The following TARS3 variants were observed in gnomAD, a reference collection of about 807,000 sequenced individuals.
The protein encoded by TARS3 is threonyl-tRNA synthetase 3, also known as threonine--tRNA ligase 2, cytoplasmic.
TARS3 carries 94 observed loss-of-function variants against 103.5 expected under a neutral mutation model. The observed-to-expected ratio is 0.91, with a 90% CI of 0.77 to 1.08. The LOEUF is 1.08. Among genes scored for constraint, TARS3 ranks in the 50% least tolerant of loss-of-function variants. TARS3 has a pLI of 0.00. For synonymous variants in TARS3, 416 were observed against 355.4 expected (o/e 1.17, Z -1.92); for missense variants, 952 against 995.2 (o/e 0.96, Z 0.58).
intron 8 of TARS3, among the ~76,000 whole-genome samples, chr15:101,703,384 G>A (rs994404417): frequency 5.3e-5 from 8 of 152,144 alleles, no homozygotes; most frequent in African/African-American, 1.7e-4. Flanking sequence ...GAGGTTAGGA[G>A]TTCGAGACCA....
Position 101,665,758 on chromosome 15 carries a change from C to T in TARS3, c.1968-3942G>A, listed in dbSNP as rs573442702. 2.6e-4 allele frequency among the ~76,000 whole-genome samples: 39 copies of T among 152,278 alleles called. No individual in the cohort carries two copies. The South Asian group carries it at 7.3e-3, about 28-fold the overall frequency. ...TTCTATAAAACTAGCCAATCTTTCA[C>T]CCAGATTGAAGTTTTAAAATTTGCT... On this transcript the variant is annotated intron_variant, in intron 15 of 18. Coordinates refer to ENST00000335968, the MANE Select transcript of TARS3 (RefSeq NM_152334.3).
At chr15:101,691,096 G>A (rs1313060640) in intron 10 of TARS3, among the ~76,000 whole-genome samples, 1 of 151,362 alleles carries the variant, frequency 6.6e-6, no homozygotes, top group African/African-American at 2.4e-5. Context: ...CCACCACCAC[G>A]CCTGGCTAAT....
chr15:101,711,924 C>A lies in TARS3; in HGVS notation c.768G>T (p.Pro256=), dbSNP rs370376502. 25 of 1,613,774 alleles carry A rather than the reference C, an allele frequency of 1.5e-5. No homozygotes were observed. Among genetic ancestry groups the A allele is most frequent in the South Asian group, 2.2e-5 (2 of 91,072 alleles). Reference sequence around the variant, plus strand: ...CATAATAAAATCCATTTTCAATGGGCGGACCGTAGCACAGGTGGCCTCCAT... The same window carrying A: ...CATAATAAAATCCATTTTCAATGGGAGGACCGTAGCACAGGTGGCCTCCAT... The part of the protein sequence containing the change: ...LYYGGHLCYG[P]PIENGFYYDM... Residue 256 remains proline, a synonymous_variant, in exon 5 of 19, where the codon CCG becomes CCT. Transcript: ENST00000335968.
intron 9 of TARS3, among the ~76,000 whole-genome samples, 160 bp from the exon 10 acceptor site, chr15:101,701,344 T>C (rs908287492): frequency 3.3e-5 from 5 of 152,254 alleles, no homozygotes; most frequent in African/African-American, 1.2e-4. Context: ...ATATGTAAAA[T>C]TTCCAATCAT....
intron 3 of TARS3, among the ~76,000 whole-genome samples, chr15:101,720,740 G>C (rs1355101200): frequency 6.6e-6 from 1 of 152,202 alleles, no homozygotes; most frequent in Middle Eastern, 3.2e-3. Context: ...CACGTTTTGT[G>C]GAAGGGACCC....
intron 18 of TARS3, among the ~76,000 whole-genome samples, chr15:101,655,448 A>G (rs1897164583): frequency 7.2e-6 from 1 of 138,480 alleles, no homozygotes; most frequent in Non-Finnish European, 1.6e-5. Flanking sequence ...ACAGGCTCAC[A>G]GTGACTCCAC....
intron 2 of TARS3, 62 bp from the exon 3 acceptor site, chr15:101,721,384 G>C (rs1040751715): frequency 3.0e-6 from 4 of 1,354,066 alleles, no homozygotes; most frequent in Non-Finnish European, 4.1e-6. Flanking sequence ...CAGCTGCTCA[G>C]CTCTGAATCA....
chr15:101,687,620 C>T (rs965899741), intron 10 of TARS3, among the ~76,000 whole-genome samples: 1 of 152,124 alleles, frequency 6.6e-6, no homozygotes, highest in South Asian at 2.1e-4. Flanking sequence ...TTTTAATTCA[C>T]TCTGAATGCA....
chr15:101,709,475 C>T (rs1008339298), intron 5 of TARS3, among the ~76,000 whole-genome samples: 1 of 152,226 alleles, frequency 6.6e-6, no homozygotes, highest in Non-Finnish European at 1.5e-5. Flanking sequence ...GACAGTCCCA[C>T]AGAGGCCTGG....
chr15:101,687,266 G>T (rs1168017310), intron 10 of TARS3, among the ~76,000 whole-genome samples: 2 of 152,056 alleles, frequency 1.3e-5, no homozygotes, highest in African/African-American at 4.8e-5. Flanking sequence ...AGCCAGGCGT[G>T]GTGGCACACA....
intron 1 of TARS3, 102 bp from the exon 2 acceptor site, chr15:101,723,266 G>A: frequency 1.9e-6 from 2 of 1,027,032 alleles, no homozygotes; most frequent in Non-Finnish European, 3.0e-6. Flanking sequence ...CGTGTTTAGA[G>A]GCTCATAGCT....
intron 1 of TARS3, 41 bp from the exon 2 acceptor site, chr15:101,723,205 A>G (rs1233725684): frequency 6.4e-7 from 1 of 1,563,088 alleles, no homozygotes; most frequent in Non-Finnish European, 8.8e-7. Context: ...AATGGCAAGA[A>G]AAAGCAACAC....
intron 1 of TARS3, among the ~76,000 whole-genome samples, chr15:101,723,371 T>C (rs758975424): frequency 1.3e-5 from 2 of 152,150 alleles, no homozygotes; most frequent in African/African-American, 2.4e-5. Flanking sequence ...ACATTTAATA[T>C]ATTGTGCTCT....
At chr15:101,699,590 C>T (rs912138551) in intron 10 of TARS3, among the ~76,000 whole-genome samples, 1 of 152,180 alleles carries the variant, frequency 6.6e-6, no homozygotes, top group African/African-American at 2.4e-5. Context: ...TGATGGTCAT[C>T]ACCACCTGCC....
rs901468063 is a variant in TARS3, at chr15:101,705,618, C to T, written c.995+65G>A. ...TCGATCTCCAACCAGAAAACAAACT[C>T]GGCCTCTACTGCTAACACCTTCAAG... On this transcript the variant is annotated intron_variant, in intron 7 of 18. Transcript: ENST00000335968. 8 of 1,371,602 alleles carry T rather than the reference C, an allele frequency of 5.8e-6. No homozygotes were observed. The African/African-American group carries it at 7.2e-5, about 12-fold the overall frequency. The allele number at this position is 1,371,602 out of a possible 1,614,324, so 85.0% of individuals were successfully genotyped here.
intron 10 of TARS3, among the ~76,000 whole-genome samples, chr15:101,690,916 C>A (rs1898687058): frequency 6.6e-6 from 1 of 152,082 alleles, no homozygotes; most frequent in Non-Finnish European, 1.5e-5. Context: ...ACATTTCCTT[C>A]AGCAATGAAA....
chr15:101,679,183 T>C (rs747809533), intron 12 of TARS3, among the ~76,000 whole-genome samples: 22 of 152,206 alleles, frequency 1.4e-4, no homozygotes, highest in Admixed American at 2.6e-4. Flanking sequence ...TTTGCCAAAT[T>C]TGGCAAGTTG....
At chr15:101,717,458 G>A (rs189552204) in intron 3 of TARS3, among the ~76,000 whole-genome samples, 13 of 152,184 alleles carry the variant, frequency 8.5e-5, no homozygotes, top group Admixed American at 5.2e-4. Flanking sequence ...CTAGTGTTTC[G>A]CAAACCGATT....
intron 5 of TARS3, among the ~76,000 whole-genome samples, chr15:101,711,515 G>A (rs141319222): frequency 2.6e-5 from 4 of 152,310 alleles, no homozygotes; most frequent in African/African-American, 9.6e-5. Flanking sequence ...TGAAGATGAA[G>A]AGCTTTATAA....
Sources: allele counts gnomAD v4.1 joint callset (sites outside exome capture counted in the v4.1 genomes callset), GRCh38; gene constraint gnomAD v4.1.1; transcripts MANE v1.5; gene names NCBI Gene and HGNC (gene_info 2026-07-23, HGNC 2026-07-21).